The following PTPN22 variants were observed in gnomAD, a reference collection of about 807,000 sequenced individuals.
PTPN22 encodes the protein protein tyrosine phosphatase non-receptor type 22.
Under a neutral mutation model 103.3 loss-of-function variants are expected in PTPN22, and 85 were observed. The ratio of observed to expected loss-of-function variants is 0.82; its 90% CI spans 0.69 to 0.99. The LOEUF (loss-of-function observed/expected upper bound fraction) is 0.99, where lower values mean the gene tolerates loss of function less well. PTPN22 is among the 50% of genes least tolerant of loss of function. The pLI is 0.00. For missense variants in PTPN22, 865 were observed against 936.9 expected (o/e 0.92, Z 1.00); for synonymous variants, 323 against 310.2 (o/e 1.04, Z -0.43).
In PTPN22 at chr1:113,856,362, C is replaced by T. The variant is rs748005747; in HGVS notation, c.540+20G>A. 3 of 1,544,854 alleles carry T rather than the reference C, an allele frequency of 1.9e-6. No individual in the cohort carries two copies. The highest frequency in any genetic ancestry group is 2.6e-6 in the Non-Finnish European group (3 of 1,146,938). On this transcript the variant is annotated intron_variant, in intron 7 of 20. Coordinates refer to ENST00000359785, the Ensembl canonical transcript of PTPN22. ...GATCTCTATAGGCTTTTGAGTTTAT[C>T]ATTCTTATTTTATACTTACACTATT... is the stretch of plus-strand genomic sequence containing the variant.
At chr1:113,856,410 A>C in exon 7 of PTPN22, 1 of 1,585,976 alleles carries the variant, frequency 6.3e-7, no homozygotes, top group Non-Finnish European at 8.6e-7. Flanking sequence ...TAGAGTCCTG[A>C]TTATATAATC....
At chr1:113,844,188 G>A (rs1490338782) in intron 11 of PTPN22, among the ~76,000 whole-genome samples, 1 of 152,106 alleles carries the variant, frequency 6.6e-6, no homozygotes, top group Non-Finnish European at 1.5e-5. Context: ...CAGGCTGGAT[G>A]CCTTGGCTCA....
At position 113,848,535 on chromosome 1, in the gene PTPN22, T is replaced by G. The variant is rs750169753; in HGVS notation, c.915+5A>C. The G allele has an allele frequency of 1.9e-6, 3 of 1,611,530 alleles. No individual in the cohort carries two copies. The East Asian group carries it at 6.7e-5, about 36-fold the overall frequency. On this transcript the variant is annotated splice_donor_5th_base_variant and intron_variant, in intron 11 of 20. Coordinates refer to ENST00000359785, the Ensembl canonical transcript of PTPN22. The stretch of plus-strand genomic sequence containing the variant: ...TTTTGACATAATATCTAGTTTAAAT[T>G]TTACCTCTGTTCCAGAATGTTTATC...
intron 7 of PTPN22, 108 bp from the exon 8 acceptor site, chr1:113,855,157 G>T: frequency 1.1e-6 from 1 of 945,482 alleles, no homozygotes; most frequent in Non-Finnish European, 1.6e-6. Flanking sequence ...TGGCATGCAT[G>T]CAACAAACCT....
chr1:113,834,963 G>A lies in PTPN22; in HGVS notation c.1841C>T (p.Pro614Leu), dbSNP rs913955891. 5 of 1,570,398 alleles carry A rather than the reference G, an allele frequency of 3.2e-6. No homozygotes were observed. In the African/African-American group the frequency reaches 7.0e-5, roughly 22 times the overall value. Residue 614 changes from proline (P) to leucine (L), a missense_variant, in exon 14 of 21, where the codon CCC (proline) becomes CTC (leucine). Transcript: ENST00000359785. ...AGGTGTCCATACAGGAAGTGGAGGG[G>A]GGATTTCATCATCTATCCTTGGAGC...
intron 11 of PTPN22, among the ~76,000 whole-genome samples, chr1:113,846,876 T>C (rs1366638421): frequency 6.6e-6 from 1 of 152,180 alleles, no homozygotes; most frequent in Non-Finnish European, 1.5e-5. Flanking sequence ...CTGGCTGATT[T>C]CTAAAACTTT....
chr1:113,851,866 A>G (rs890178796), intron 10 of PTPN22, among the ~76,000 whole-genome samples, 161 bp downstream of exon 10: 2 of 152,256 alleles, frequency 1.3e-5, no homozygotes, highest in African/African-American at 4.8e-5. Flanking sequence ...CAGGAAAAAT[A>G]TTGGGATATT....
chr1:113,835,309 G>A (rs1217151324), intron 13 of PTPN22, among the ~76,000 whole-genome samples: 1 of 152,162 alleles, frequency 6.6e-6, no homozygotes, highest in Non-Finnish European at 1.5e-5. Context: ...ACAAGGTCAG[G>A]AGATCGAAAC....
chr1:113,864,007 T>G (rs1665886640), intron 1 of PTPN22, among the ~76,000 whole-genome samples: 1 of 151,026 alleles, frequency 6.6e-6, no homozygotes, highest in African/African-American at 2.4e-5. Context: ...CAACTTTGCC[T>G]GCAATCCCAG....
intron 19 of PTPN22, among the ~76,000 whole-genome samples, chr1:113,822,728 G>A (rs1209878956): frequency 2.0e-5 from 3 of 152,162 alleles, no homozygotes; most frequent in Non-Finnish European, 2.9e-5. Flanking sequence ...TTGGGAGGCC[G>A]AGGTGGGTGG....
In PTPN22 at chr1:113,838,310, T is replaced by C. The variant is rs773113553; in HGVS notation, c.1090A>G (p.Lys364Glu). 3.1e-6 allele frequency: 5 copies of C among 1,612,892 alleles called. No homozygotes were observed. In the African/African-American group the frequency reaches 4.0e-5, roughly 13 times the overall value. Residue 364 changes from lysine to glutamate, a missense_variant, in exon 13 of 21, where the codon AAA becomes GAA. Physicochemically the swap from Lys to Glu is moderately conservative, Grantham distance 56 (BLOSUM62 1). This residue lies in a region of PTPN22 where 457 missense variants were observed against 529.1 expected (regional missense o/e 0.86). Coordinates refer to ENST00000359785, the Ensembl canonical transcript of PTPN22. ...GCAGGGTGCAAAACTAGCTCTTCTTTTGCACTTATTTCAGAAGTCCTAAAG... is the reference window on the plus strand; with the variant it reads ...GCAGGGTGCAAAACTAGCTCTTCTTCTGCACTTATTTCAGAAGTCCTAAAG...
At chr1:113,845,893 ATTGTCTTTGCTCTG>A in intron 11 of PTPN22, among the ~76,000 whole-genome samples, 1 of 152,270 alleles carries the variant, frequency 6.6e-6, no homozygotes, top group Admixed American at 6.5e-5. Flanking sequence ...ATCTCTGATA[ATTGTCTTTGCTCTG>A]AAGTCTACTT....
chr1:113,861,279 C>T (rs986336035), intron 1 of PTPN22, among the ~76,000 whole-genome samples: 2 of 152,078 alleles, frequency 1.3e-5, no homozygotes, highest in African/African-American at 2.4e-5. Context: ...CTTGCTCTAT[C>T]GCCCAGGCTG....
intron 19 of PTPN22, chr1:113,823,611 C>A (rs1358777047): frequency 6.6e-6 from 1 of 152,186 alleles, no homozygotes; most frequent in Non-Finnish European, 1.5e-5. Flanking sequence ...GCTGTGCCAA[C>A]CTAAATCTAC....
rs150552386 is a variant in PTPN22 at position 113,837,847 on chromosome 1, T to C, written c.1553A>G (p.His518Arg). The C allele has an allele frequency of 9.7e-5, 156 of 1,613,962 alleles. No individual in the cohort carries two copies. Among genetic ancestry groups the C allele is most frequent in the Non-Finnish European group, 1.2e-4 (147 of 1,179,976 alleles). The change falls in exon 13 of 21, where the codon CAT (histidine) becomes CGT (arginine). Residue 518 changes from histidine to arginine, a missense_variant. This residue lies in a region of PTPN22 where 401 missense variants were observed against 388.6 expected (regional missense o/e 1.03). Transcript: ENST00000359785. ...ATATACACCAAGAGCACTAGAGTCA[T>C]GGTGCTTTACATTAGAGGCATTACG...
intron 16 of PTPN22, among the ~76,000 whole-genome samples, chr1:113,831,958 C>A (rs539471604): frequency 4.6e-5 from 7 of 152,000 alleles, no homozygotes; most frequent in African/African-American, 1.4e-4. Context: ...AAATTATAAT[C>A]GATAATATTT....
chr1:113,862,925 C>T (rs1433057294), intron 1 of PTPN22, among the ~76,000 whole-genome samples: 1 of 152,144 alleles, frequency 6.6e-6, no homozygotes, highest in Non-Finnish European at 1.5e-5. Context: ...GCGTGCAATG[C>T]AATCATCTTC....
rs1665066162 is a variant in PTPN22, at chr1:113,856,323, A to ATATT, written c.540+55_540+58dup. On this transcript the variant is annotated intron_variant, in intron 7 of 20. Coordinates refer to ENST00000359785, the Ensembl canonical transcript of PTPN22. ...TGCCCAGCCTGAGCTACACACATCT[A>ATATT]TATTTACTTGCCTGATCTCTATAGG... 4 of 1,499,244 alleles carry ATATT rather than the reference A, an allele frequency of 2.7e-6. No homozygotes were observed. The South Asian group carries it at 5.2e-5, about 20-fold the overall frequency. 92.9% of individuals were successfully genotyped at this position (1,499,244 alleles called of 1,614,324 possible).
chr1:113,851,068 A>C (rs966533559), intron 10 of PTPN22, among the ~76,000 whole-genome samples: 3 of 152,214 alleles, frequency 2.0e-5, no homozygotes, highest in African/African-American at 7.2e-5. Flanking sequence ...GGCTAGGAGA[A>C]GGGAAGAGCA....
Sources: gnomAD v4.1 joint callset for allele counts (sites outside exome capture counted in the v4.1 genomes callset) on GRCh38, gnomAD v4.1.1 for gene constraint, gnomAD v4.1.1 regional missense constraint, MANE v1.5 for transcripts, NCBI Gene and HGNC (gene_info 2026-07-23, HGNC 2026-07-21) for gene names.